TTC28: variants seen among roughly 807,000 people sequenced by gnomAD.
The protein encoded by TTC28 is tetratricopeptide repeat protein 28.
Under a neutral mutation model 198.0 loss-of-function variants are expected in TTC28, and 61 were observed. The observed-to-expected ratio is 0.31, with a 90% confidence interval of 0.25 to 0.38. The LOEUF is 0.38. Ranked by LOEUF, TTC28 falls within the 10% of genes least tolerant of loss-of-function variation. The pLI is 1.00. For missense variants in TTC28, 2,678 were observed against 3,164.0 expected (o/e 0.85, Z 3.69); for synonymous variants, 1,171 against 1,297.8 (o/e 0.90, Z 2.10).
At chr22:28,622,981 C>G (rs374111893) in intron 2 of TTC28, among the ~76,000 whole-genome samples, 1 of 152,050 alleles carries the variant, frequency 6.6e-6, no homozygotes, top group Non-Finnish European at 1.5e-5. Flanking sequence ...GCCACCACAC[C>G]GAGCTAATTT....
intron 14 of TTC28, among the ~76,000 whole-genome samples, chr22:28,004,396 G>A (rs1937848923): frequency 6.6e-6 from 1 of 152,210 alleles, no homozygotes; most frequent in African/African-American, 2.4e-5. Flanking sequence ...CAAGAGAAGA[G>A]ACAAGGAGAC....
At chr22:28,489,303 TAA>T (rs11336895) in intron 2 of TTC28, among the ~76,000 whole-genome samples, 45 of 148,172 alleles carry the variant, frequency 3.0e-4, no homozygotes, top group African/African-American at 6.7e-4. Flanking sequence ...AATTAAAAAT[TAA>T]AAAAAAAAAA....
Position 27,982,449 on chromosome 22 carries a change from C to G in TTC28, c.7218G>C (p.Glu2406Asp). The change falls in exon 23 of 23, where the codon GAG becomes GAC. Residue 2406 changes from glutamate (E) to aspartate (D), a missense_variant. Glu to Asp is a conservative substitution (Grantham distance 45). Coordinates refer to ENST00000397906, the MANE Select transcript of TTC28 (RefSeq NM_001145418.2). This position sits in a 1 kb window ranked among gnomAD's most constrained non-coding sequence, Gnocchi z 5.2. ...NLSPRHNKKEEGVDKLELKEL... is the reference protein window; with the variant it reads ...NLSPRHNKKEDGVDKLELKEL... ...CCTTCAGTTCAAGCTTATCCACTCC[C>G]TCCTCCTTCTTATTGTGCCGTGGTG... 1 of 1,551,510 alleles carries G rather than the reference C, an allele frequency of 6.4e-7. No individual in the cohort carries two copies. The highest frequency in any genetic ancestry group is 8.7e-7 in the Non-Finnish European group (1 of 1,146,984).
intron 17 of TTC28, among the ~76,000 whole-genome samples, 159 bp downstream of exon 17, chr22:27,995,976 A>G (rs892466758): frequency 1.8e-4 from 27 of 152,166 alleles, no homozygotes; most frequent in African/African-American, 5.8e-4. Flanking sequence ...GGCTTATCCC[A>G]GGGACGTCTG....
At chr22:28,334,385 T>C (rs2045671342) in intron 2 of TTC28, among the ~76,000 whole-genome samples, 1 of 152,166 alleles carries the variant, frequency 6.6e-6, no homozygotes, top group South Asian at 2.1e-4. Flanking sequence ...GATGGCTGGG[T>C]CAAACGGTAT....
intron 2 of TTC28, among the ~76,000 whole-genome samples, chr22:28,455,713 CAAA>C (rs747031430): frequency 8.2e-6 from 1 of 121,906 alleles, no homozygotes; most frequent in Non-Finnish European, 1.8e-5. Context: ...GACTCTTTCC[CAAA>C]AAAAAAAAAA....
intron 2 of TTC28, among the ~76,000 whole-genome samples, chr22:28,607,910 T>C (rs967188420): frequency 2.0e-5 from 3 of 152,218 alleles, no homozygotes; most frequent in Admixed American, 2.0e-4. Context: ...ACTCTCCTAC[T>C]TTCCATTTCC....
At chr22:28,234,971 C>T (rs1929120788) in intron 5 of TTC28, among the ~76,000 whole-genome samples, 1 of 152,130 alleles carries the variant, frequency 6.6e-6, no homozygotes, top group Non-Finnish European at 1.5e-5. Flanking sequence ...TATGTTATTG[C>T]CAAGGAAGGG....
intron 12 of TTC28, among the ~76,000 whole-genome samples, chr22:28,071,748 G>GAAAAAAAAAA (rs371615737): frequency 1.1e-5 from 1 of 91,130 alleles, no homozygotes; most frequent in Non-Finnish European, 2.3e-5. Context: ...AAAAAAAAAG[G>GAAAAAAAAAA]AAAAAAAAAA....
At chr22:28,383,784 G>A (rs1008913973) in intron 2 of TTC28, among the ~76,000 whole-genome samples, 3 of 152,112 alleles carry the variant, frequency 2.0e-5, no homozygotes, top group Non-Finnish European at 4.4e-5. Context: ...ATTGGAATTG[G>A]CCTCATGTAT....
intron 2 of TTC28, among the ~76,000 whole-genome samples, chr22:28,388,483 A>T (rs538138339): frequency 6.6e-6 from 1 of 152,170 alleles, no homozygotes; most frequent in Non-Finnish European, 1.5e-5. Flanking sequence ...ATGAGCATAG[A>T]ACGTTCTTCC....
At chr22:28,055,179 T>G (rs777411185) in intron 12 of TTC28, among the ~76,000 whole-genome samples, 5 of 152,174 alleles carry the variant, frequency 3.3e-5, no homozygotes, top group Non-Finnish European at 1.5e-5. Context: ...ATCAAATATT[T>G]GCTGAGCCCC....
intron 2 of TTC28, among the ~76,000 whole-genome samples, chr22:28,347,792 G>C (rs1436776313): frequency 6.6e-6 from 1 of 152,208 alleles, no homozygotes; most frequent in Non-Finnish European, 1.5e-5. Flanking sequence ...ATAATTGCTG[G>C]AACCCAGGAG....
chr22:28,322,347 TA>T (rs897432043), intron 2 of TTC28, among the ~76,000 whole-genome samples: 18 of 151,954 alleles, frequency 1.2e-4, no homozygotes, highest in Non-Finnish European at 1.9e-4. Context: ...AGTATAAACA[TA>T]AAAAAAAATT....
intron 2 of TTC28, among the ~76,000 whole-genome samples, chr22:28,582,928 T>C (rs750842617): frequency 1.1e-4 from 16 of 152,064 alleles, no homozygotes; most frequent in African/African-American, 3.4e-4. Context: ...TAAGATACCA[T>C]AGGAAAGGAA....
chr22:28,003,497 C>G (rs1348364573), intron 14 of TTC28, among the ~76,000 whole-genome samples: 1 of 152,102 alleles, frequency 6.6e-6, no homozygotes, highest in Non-Finnish European at 1.5e-5. Context: ...AGCCCCAGCC[C>G]CAGGCCTGCA....
intron 2 of TTC28, among the ~76,000 whole-genome samples, chr22:28,615,891 C>T (rs1269985601): frequency 6.6e-6 from 1 of 151,994 alleles, no homozygotes; most frequent in African/African-American, 2.4e-5. Context: ...ATGTGTATAC[C>T]TATGTAACAA....
At chr22:28,145,156 G>A (rs1943437125) in intron 6 of TTC28, among the ~76,000 whole-genome samples, 1 of 152,042 alleles carries the variant, frequency 6.6e-6, no homozygotes, top group Non-Finnish European at 1.5e-5. Context: ...TAACTTCTAG[G>A]TACTCCTTAG....
In TTC28 at chr22:28,529,352, C is replaced by T. The variant is rs184984530; in HGVS notation, c.381+100200G>A. On this transcript the variant is annotated intron_variant, in intron 2 of 22. Transcript: ENST00000397906. Reference sequence around the variant, plus strand: ...ATCGAACTGCAAGGCAGCAGCGAGGCTGGGGGACGGGCGCCCACCATTGCT... The same window carrying T: ...ATCGAACTGCAAGGCAGCAGCGAGGTTGGGGGACGGGCGCCCACCATTGCT... Among the ~76,000 whole-genome samples the T allele has an allele frequency of 8.5e-4, 130 of 152,294 alleles. 1 individual carries two copies. The highest frequency in any genetic ancestry group is 1.5e-3 in the Non-Finnish European group (103 of 68,028).
Sources: allele counts gnomAD v4.1 joint callset (sites outside exome capture counted in the v4.1 genomes callset), GRCh38; gene constraint gnomAD v4.1.1; non-coding constraint Gnocchi (gnomAD v3.1); transcripts MANE v1.5; gene names NCBI Gene and HGNC (gene_info 2026-07-23, HGNC 2026-07-21).